The following DYNC1I1 variants were observed in gnomAD, a reference collection of about 807,000 sequenced individuals.
The protein encoded by DYNC1I1 is dynein cytoplasmic 1 intermediate chain 1, also known as cytoplasmic dynein 1 intermediate chain 1.
In DYNC1I1, 43 loss-of-function variants were observed where a neutral mutation model predicts 86.6. The ratio of observed to expected loss-of-function variants is 0.50; its 90% confidence interval spans 0.39 to 0.64. The LOEUF (loss-of-function observed/expected upper bound fraction) is 0.64. Among genes scored for constraint, DYNC1I1 ranks in the 30% least tolerant of loss-of-function variants. DYNC1I1 has a pLI of 0.00. For synonymous variants in DYNC1I1, 262 were observed against 283.7 expected (o/e 0.92, Z 0.77); for missense variants, 604 against 788.8 (o/e 0.77, Z 2.81).
At chr7:95,875,191 C>A (rs548947202) in intron 6 of DYNC1I1, among the ~76,000 whole-genome samples, 9 of 152,212 alleles carry the variant, frequency 5.9e-5, no homozygotes, top group African/African-American at 2.2e-4. Context: ...ATTTTTATAT[C>A]CTTCCTTTTA....
intron 6 of DYNC1I1, among the ~76,000 whole-genome samples, chr7:95,965,819 T>C (rs1363750055): frequency 1.3e-5 from 2 of 152,174 alleles, no homozygotes; most frequent in Non-Finnish European, 2.9e-5. Context: ...CAAAATTACT[T>C]ATGCCAAAAG....
intron 5 of DYNC1I1, among the ~76,000 whole-genome samples, chr7:95,835,392 G>A (rs375889131): frequency 6.8e-6 from 1 of 146,868 alleles, no homozygotes; most frequent in East Asian, 2.0e-4. Flanking sequence ...TTACTTCCAA[G>A]TATGTGGTCA....
At chr7:95,804,877 A>G in intron 2 of DYNC1I1, 40 bp downstream of exon 2, 1 of 1,534,168 alleles carries the variant, frequency 6.5e-7, no homozygotes, top group Non-Finnish European at 8.8e-7. Context: ...GGAAAAAGGA[A>G]AATCACTTGA....
At chr7:96,084,468 G>A (rs1449685946) in intron 16 of DYNC1I1, among the ~76,000 whole-genome samples, 1 of 119,846 alleles carries the variant, frequency 8.3e-6, no homozygotes, top group African/African-American at 3.1e-5. Flanking sequence ...TTGAGACGGA[G>A]TTTTGCTCTT....
At chr7:95,907,563 A>G (rs1791207920) in intron 6 of DYNC1I1, among the ~76,000 whole-genome samples, 1 of 151,872 alleles carries the variant, frequency 6.6e-6, no homozygotes, top group African/African-American at 2.4e-5. Context: ...TTCCAGTGAC[A>G]TTCCCTCTGC....
At chr7:95,820,285 A>G (rs1159461876) in intron 4 of DYNC1I1, among the ~76,000 whole-genome samples, 4 of 152,244 alleles carry the variant, frequency 2.6e-5, no homozygotes, top group Non-Finnish European at 5.9e-5. Context: ...TTAACTCATT[A>G]TTTGAATACC....
chr7:96,059,644 G>A (rs544569096), intron 14 of DYNC1I1, among the ~76,000 whole-genome samples: 54 of 152,300 alleles, frequency 3.5e-4, no homozygotes, highest in African/African-American at 1.3e-3. Flanking sequence ...AGTGATGGGG[G>A]TTTGGAAGAA....
At chr7:96,079,923 C>A (rs1212135276) in intron 15 of DYNC1I1, among the ~76,000 whole-genome samples, 1 of 152,094 alleles carries the variant, frequency 6.6e-6, no homozygotes, top group Non-Finnish European at 1.5e-5. Context: ...ATTAATATGA[C>A]TTTTTTATTC....
At chr7:95,946,864 A>T (rs1792416007) in intron 6 of DYNC1I1, among the ~76,000 whole-genome samples, 1 of 152,122 alleles carries the variant, frequency 6.6e-6, no homozygotes, top group South Asian at 2.1e-4. Flanking sequence ...TGTGCTATAG[A>T]GAAGAAAAGG....
chr7:96,014,745 G>C (rs1303781996), intron 10 of DYNC1I1, among the ~76,000 whole-genome samples: 2 of 152,282 alleles, frequency 1.3e-5, no homozygotes, highest in East Asian at 3.9e-4. Context: ...TTTCAGGTCT[G>C]TTATAGTCAC....
rs1461596857 is a variant in DYNC1I1 at position 95,846,625 on chromosome 7, C to CTG, written c.374+18510_374+18511insGT. ...CTGAACATAAATGATAAATCTCTCT[C>CTG]TCTGTGTGTGTGTGTGTGTGTGTGT... On this transcript the variant is annotated intron_variant, in intron 5 of 16. Coordinates refer to ENST00000447467, the MANE Select transcript of DYNC1I1 (RefSeq NM_001135556.2). Among the ~76,000 whole-genome samples, 244 of 132,760 alleles carry CTG rather than the reference C, an allele frequency of 1.8e-3. 4 individuals carry two copies. Among genetic ancestry groups the CTG allele is most frequent in the Admixed American group, 7.4e-3 (99 of 13,432 alleles). 87.1% of individuals were successfully genotyped at this position (132,760 alleles called of 152,430 possible). A position where few individuals can be genotyped will look rare whatever the true frequency, so the allele number is the denominator to read the frequency against.
At chr7:95,773,007 GCAGAGAAGGA>G (rs1312361535) in intron 1 of DYNC1I1, among the ~76,000 whole-genome samples, 1 of 152,166 alleles carries the variant, frequency 6.6e-6, no homozygotes, top group African/African-American at 2.4e-5. Flanking sequence ...AGAGACTAGG[GCAGAGAAGGA>G]AGGGTCGTGG....
At chr7:96,045,953 C>G (rs149372393) in intron 14 of DYNC1I1, among the ~76,000 whole-genome samples, 1 of 152,188 alleles carries the variant, frequency 6.6e-6, no homozygotes, top group Non-Finnish European at 1.5e-5. Flanking sequence ...GTTACATATT[C>G]TAGCACAATG....
At chr7:95,984,677 A>G (rs1270599461) in intron 7 of DYNC1I1, 138 bp from the exon 8 acceptor site, 2 of 727,090 alleles carry the variant, frequency 2.8e-6, no homozygotes, top group Non-Finnish European at 4.1e-6. Flanking sequence ...AATCAATATT[A>G]GCAATGATTT....
intron 7 of DYNC1I1, among the ~76,000 whole-genome samples, chr7:95,984,004 A>T (rs1017782030): frequency 1.3e-5 from 2 of 152,184 alleles, no homozygotes; most frequent in African/African-American, 2.4e-5. Flanking sequence ...CTAAGGTTTT[A>T]TGTAAAACTC....
chr7:95,903,002 G>A (rs1791080756), intron 6 of DYNC1I1, among the ~76,000 whole-genome samples: 1 of 152,168 alleles, frequency 6.6e-6, no homozygotes, highest in Non-Finnish European at 1.5e-5. Context: ...GGCTGACTCA[G>A]GAACATCATT....
chr7:95,989,457 G>A (rs1323991946), intron 9 of DYNC1I1, among the ~76,000 whole-genome samples: 1 of 152,178 alleles, frequency 6.6e-6, no homozygotes, highest in Non-Finnish European at 1.5e-5. Context: ...CCAAGCCTGA[G>A]GAAACACTTA....
chr7:95,888,940 A>G (rs1401304699), intron 6 of DYNC1I1, among the ~76,000 whole-genome samples: 2 of 152,174 alleles, frequency 1.3e-5, no homozygotes, highest in Non-Finnish European at 2.9e-5. Flanking sequence ...GACACAAGGA[A>G]TTTTGATCAT....
intron 6 of DYNC1I1, among the ~76,000 whole-genome samples, chr7:95,953,405 G>GGAAA (rs546323510): frequency 1.3e-5 from 2 of 151,566 alleles, no homozygotes; most frequent in African/African-American, 4.9e-5. Flanking sequence ...AGAGAGAGAA[G>GGAAA]GAAAGAAAGA....
Sources: gnomAD v4.1 joint callset for allele counts (sites outside exome capture counted in the v4.1 genomes callset) on GRCh38, gnomAD v4.1.1 for gene constraint, MANE v1.5 for transcripts, NCBI Gene and HGNC (gene_info 2026-07-23, HGNC 2026-07-21) for gene names.